Variants in AGBL1 observed in about 807,000 individuals in gnomAD.
The protein encoded by AGBL1 is cytosolic carboxypeptidase 4.
Under a neutral mutation model 118.9 loss-of-function variants are expected in AGBL1, and 130 were observed. The ratio of observed to expected loss-of-function variants is 1.09; its 90% CI spans 0.95 to 1.26. AGBL1 has a LOEUF of 1.26. AGBL1 is among the 50% of genes most tolerant of loss of function. The probability of loss-of-function intolerance (pLI) is 0.00; values close to 1 mark genes in which losing one functional copy is unlikely to be tolerated. For missense variants in AGBL1, 1,584 were observed against 1,298.1 expected (o/e 1.22, Z -3.38); for synonymous variants, 555 against 478.9 (o/e 1.16, Z -2.08).
At chr15:87,011,232 A>G (rs2081556667) in intron 24 of AGBL1, among the ~76,000 whole-genome samples, 1 of 152,206 alleles carries the variant, frequency 6.6e-6, no homozygotes, top group Non-Finnish European at 1.5e-5. Flanking sequence ...GTATTGAAGG[A>G]GACTACCACA....
At chr15:86,889,602 T>A (rs2080021359) in intron 22 of AGBL1, among the ~76,000 whole-genome samples, 1 of 152,194 alleles carries the variant, frequency 6.6e-6, no homozygotes, top group African/African-American at 2.4e-5. Flanking sequence ...TGTGTCCATG[T>A]GTTCTCATTG....
At chr15:86,187,234 G>T (rs1036323418) in intron 5 of AGBL1, among the ~76,000 whole-genome samples, 3 of 152,174 alleles carry the variant, frequency 2.0e-5, no homozygotes, top group African/African-American at 7.2e-5. Flanking sequence ...ATTGTTACAG[G>T]CTGATTTCTT....
At chr15:86,573,767 C>T (rs1199702613) in intron 21 of AGBL1, among the ~76,000 whole-genome samples, 1 of 152,138 alleles carries the variant, frequency 6.6e-6, no homozygotes, top group African/African-American at 2.4e-5. Flanking sequence ...TAATTAACTA[C>T]ACCTCCCCGA....
intron 10 of AGBL1, among the ~76,000 whole-genome samples, chr15:86,263,284 C>T (rs1197634481): frequency 6.6e-6 from 1 of 152,166 alleles, no homozygotes; most frequent in Non-Finnish European, 1.5e-5. Context: ...CTACAGTGTT[C>T]AGCACTTTAA....
At chr15:86,356,994 T>C (rs899379171) in intron 17 of AGBL1, among the ~76,000 whole-genome samples, 5 of 152,334 alleles carry the variant, frequency 3.3e-5, no homozygotes, top group African/African-American at 1.2e-4. Context: ...ATAACCTTGT[T>C]TCCGGTTTTG....
chr15:87,007,997 C>G (rs1567284486), intron 24 of AGBL1, among the ~76,000 whole-genome samples: 1 of 152,132 alleles, frequency 6.6e-6, no homozygotes, highest in Non-Finnish European at 1.5e-5. Context: ...TTATTCATTG[C>G]TGAAGATAGA....
At chr15:86,216,718 A>T (rs1467801744) in intron 5 of AGBL1, among the ~76,000 whole-genome samples, 1 of 151,580 alleles carries the variant, frequency 6.6e-6, no homozygotes, top group East Asian at 1.9e-4. Flanking sequence ...CTAGTCCTTT[A>T]AAAAAAATGT....
intron 21 of AGBL1, among the ~76,000 whole-genome samples, chr15:86,600,455 C>T (rs758020561): frequency 2.6e-5 from 4 of 152,142 alleles, no homozygotes; most frequent in Admixed American, 6.6e-5. Context: ...AAGGACTATA[C>T]GGGATGTGGT....
chr15:86,214,616 C>G (rs182120229), intron 5 of AGBL1, among the ~76,000 whole-genome samples: 116 of 152,272 alleles, frequency 7.6e-4, no homozygotes, highest in African/African-American at 2.7e-3. Context: ...TTATTGCAAT[C>G]CCGGTCTGCT....
intron 5 of AGBL1, among the ~76,000 whole-genome samples, chr15:86,219,993 C>T (rs182245547): frequency 7.6e-6 from 1 of 131,496 alleles, no homozygotes; most frequent in Admixed American, 9.0e-5. Flanking sequence ...ACTCTGTTGC[C>T]CGGGCTGGAG....
chr15:86,718,573 C>T (rs1259126510), intron 22 of AGBL1, among the ~76,000 whole-genome samples: 1 of 152,078 alleles, frequency 6.6e-6, no homozygotes, highest in African/African-American at 2.4e-5. Context: ...GAGAAGCAAG[C>T]AATCAATGCA....
chr15:86,285,401 C>T (rs941851416), intron 16 of AGBL1, among the ~76,000 whole-genome samples: 16 of 152,034 alleles, frequency 1.1e-4, no homozygotes, highest in African/African-American at 2.9e-4. Context: ...ATAATTCTTA[C>T]GTGTCGTGGG....
chr15:86,447,057 A>G (rs955078165), intron 18 of AGBL1, among the ~76,000 whole-genome samples: 15 of 151,620 alleles, frequency 9.9e-5, no homozygotes, highest in African/African-American at 3.4e-4. Flanking sequence ...TAGGGCCCAT[A>G]AATCTGAATT....
chr15:86,784,246 G>A (rs1250184144), intron 22 of AGBL1, among the ~76,000 whole-genome samples: 5 of 152,176 alleles, frequency 3.3e-5, no homozygotes, highest in Non-Finnish European at 5.9e-5. Context: ...TAATGTTGGA[G>A]CATAGAAAGT....
At chr15:86,810,405 C>T (rs757030377) in intron 22 of AGBL1, among the ~76,000 whole-genome samples, 2 of 152,064 alleles carry the variant, frequency 1.3e-5, no homozygotes, top group Non-Finnish European at 2.9e-5. Context: ...CATGAAATTG[C>T]CCATCACTCT....
intron 5 of AGBL1, among the ~76,000 whole-genome samples, chr15:86,207,880 T>G (rs1174616856): frequency 6.6e-6 from 1 of 152,252 alleles, no homozygotes; most frequent in Non-Finnish European, 1.5e-5. Context: ...AGGACATCCC[T>G]GTCTTGTGCC....
intron 1 of AGBL1, among the ~76,000 whole-genome samples, chr15:86,092,117 A>G (rs1597381771): frequency 6.6e-6 from 1 of 152,116 alleles, no homozygotes; most frequent in African/African-American, 2.4e-5. Flanking sequence ...TAAATATAAC[A>G]TGGTTCTTGT....
intron 21 of AGBL1, among the ~76,000 whole-genome samples, chr15:86,565,983 G>A (rs369034178): frequency 4.8e-4 from 73 of 152,342 alleles, no homozygotes; most frequent in South Asian, 2.9e-3. Flanking sequence ...TTGGAAAAGC[G>A]CAGTATTAGT....
Position 86,912,293 on chromosome 15 carries a change from T to C in AGBL1, c.*4999T>C, listed in dbSNP as rs925820795. ...AGGGTGTCCTTTTCCTTACCTGTGT[T>C]GTGCAAATGCTTAGAGTGGTGATAA... is the stretch of plus-strand genomic sequence containing the variant. On this transcript the variant is annotated 3_prime_UTR_variant, in exon 23 of 23. Coordinates refer to ENST00000614907, the MANE Select transcript of AGBL1 (RefSeq NM_001386094.1). 2.6e-5 allele frequency: 4 copies of C among 152,154 alleles called. No homozygotes were observed. The highest frequency in any genetic ancestry group is 5.9e-5 in the Non-Finnish European group (4 of 68,042). 9.4% of individuals were successfully genotyped at this position (152,154 alleles called of 1,614,324 possible). A position where few individuals can be genotyped will look rare whatever the true frequency, so the allele number is the denominator to read the frequency against.
Sources: allele counts gnomAD v4.1 joint callset (sites outside exome capture counted in the v4.1 genomes callset), GRCh38; gene constraint gnomAD v4.1.1; transcripts MANE v1.5; gene names NCBI Gene and HGNC (gene_info 2026-07-23, HGNC 2026-07-21).